The following RNF220 variants were observed in gnomAD, a reference collection of about 807,000 sequenced individuals.
The protein encoded by RNF220 is E3 ubiquitin-protein ligase RNF220.
In RNF220, 7 loss-of-function variants were observed where a neutral mutation model predicts 67.1. That is an observed-to-expected ratio of 0.10 (90% confidence interval 0.06 to 0.20). RNF220 has a LOEUF of 0.20. Ranked by LOEUF, RNF220 falls within the 10% of genes least tolerant of loss-of-function variation. RNF220 has a pLI of 1.00. For missense variants in RNF220, 565 were observed against 740.3 expected, an observed-to-expected ratio of 0.76 and a Z score of 2.75; for synonymous variants, 270 against 283.2, an observed-to-expected ratio of 0.95 and a Z score of 0.47.
At chr1:44,463,316 C>T (rs1358598800) in intron 2 of RNF220, among the ~76,000 whole-genome samples, 1 of 135,710 alleles carries the variant, frequency 7.4e-6, no homozygotes, top group African/African-American at 2.8e-5. Context: ...GCCTGGGCAA[C>T]AAGAGCAAAA....
In RNF220 at chr1:44,565,553, A is replaced by T. The variant is rs1326333660; in HGVS notation, c.626-48612A>T. Among the ~76,000 whole-genome samples, 5 of 152,150 alleles carry T rather than the reference A, an allele frequency of 3.3e-5. No individual in the cohort carries two copies. Among genetic ancestry groups the T allele is most frequent in the Admixed American group, 2.6e-4 (4 of 15,282 alleles). On this transcript the variant is annotated intron_variant, in intron 2 of 14. Transcript: ENST00000361799. This position sits in a 1 kb window ranked among gnomAD's most constrained non-coding sequence, Gnocchi z 4.2. ...CTAATGCCCCCAGCCTAACACAATT[A>T]CCCCTTCCTTCTCCCTCAGCCCAGG... is the stretch of plus-strand genomic sequence containing the variant.
upstream of RNF220, among the ~76,000 whole-genome samples, chr1:44,404,988 G>A (rs537453726): frequency 2.2e-4 from 33 of 152,212 alleles, no homozygotes; most frequent in African/African-American, 7.7e-4. Context: ...TTTGCGGGTG[G>A]GGGAGGAGGG....
rs1648058867 is a variant in RNF220 at position 44,412,432 on chromosome 1, T to C, written c.335T>C (p.Leu112Pro). ...PNLDCTPISMLNHSGVGAFRP... is the reference protein window; with the variant it reads ...PNLDCTPISMPNHSGVGAFRP... ...CTAGATTGCACCCCAATCAGTATGC[T>C]GAATCATAGTGGTGTGGGGGCTTTC... Residue 112 changes from leucine (L) to proline (P), a missense_variant, in exon 2 of 15, where the codon CTG (leucine) becomes CCG (proline). By Grantham distance (98) the Leu-to-Pro change is moderately conservative. Transcript: ENST00000361799. This position sits in a 1 kb window ranked among gnomAD's most constrained non-coding sequence, Gnocchi z 5.3. The C allele has an allele frequency of 6.2e-7, 1 of 1,612,476 alleles. No individual in the cohort carries two copies. The highest frequency in any genetic ancestry group is 8.5e-7 in the Non-Finnish European group (1 of 1,178,800).
chr1:44,465,230 C>A (rs77986596), intron 2 of RNF220, among the ~76,000 whole-genome samples: 1 of 151,996 alleles, frequency 6.6e-6, no homozygotes, highest in South Asian at 2.1e-4. Flanking sequence ...CCTCCCACTG[C>A]GACACCAGTG....
intron 2 of RNF220, among the ~76,000 whole-genome samples, chr1:44,599,719 A>C (rs923802499): frequency 2.0e-5 from 3 of 152,216 alleles, no homozygotes; most frequent in Non-Finnish European, 2.9e-5. Context: ...CATGGTCATG[A>C]GCATTATTGG....
intron 1 of RNF220, among the ~76,000 whole-genome samples, chr1:44,410,868 T>A (rs555095750): frequency 6.6e-6 from 1 of 152,108 alleles, no homozygotes. Context: ...CGGCTTTTGA[T>A]ATATAGCCCT....
At chr1:44,463,581 C>T (rs763992104) in intron 2 of RNF220, among the ~76,000 whole-genome samples, 2 of 151,622 alleles carry the variant, frequency 1.3e-5, no homozygotes, top group Non-Finnish European at 2.9e-5. Flanking sequence ...TGCTAAGCTT[C>T]GGATGCCACA....
chr1:44,524,197 T>A (rs986244521), intron 2 of RNF220, among the ~76,000 whole-genome samples: 1 of 152,108 alleles, frequency 6.6e-6, no homozygotes, highest in African/African-American at 2.4e-5. Context: ...GATGTTGTTA[T>A]TTAGTCTAGA....
chr1:44,563,577 G>A (rs1663759306), intron 2 of RNF220, among the ~76,000 whole-genome samples: 1 of 152,204 alleles, frequency 6.6e-6, no homozygotes, highest in South Asian at 2.1e-4. Flanking sequence ...CCTGTAGTAT[G>A]TATGATGTAG....
chr1:44,483,440 G>C (rs1486083150), intron 2 of RNF220, among the ~76,000 whole-genome samples: 3 of 152,172 alleles, frequency 2.0e-5, no homozygotes, highest in Non-Finnish European at 4.4e-5. Flanking sequence ...GTCAGGAAAG[G>C]GAGAAGTGCC....
chr1:44,435,985 C>G (rs1013539039), intron 2 of RNF220, among the ~76,000 whole-genome samples: 1 of 152,028 alleles, frequency 6.6e-6, no homozygotes, highest in Non-Finnish European at 1.5e-5. Context: ...GGGTTAGAAT[C>G]TTTTCTCTCA....
intron 2 of RNF220, among the ~76,000 whole-genome samples, chr1:44,598,163 A>T (rs1250580096): frequency 7.1e-6 from 1 of 141,486 alleles, no homozygotes; most frequent in Non-Finnish European, 1.6e-5. Context: ...CTGCCTGGTG[A>T]TGGGGAGGGG....
intron 2 of RNF220, among the ~76,000 whole-genome samples, chr1:44,573,905 G>A (rs1664624144): frequency 6.6e-6 from 1 of 152,118 alleles, no homozygotes; most frequent in Non-Finnish European, 1.5e-5. Flanking sequence ...CTTGAGCCCA[G>A]GAGTTCGAGA....
chr1:44,425,946 G>A (rs1649723609), intron 2 of RNF220, among the ~76,000 whole-genome samples: 1 of 152,186 alleles, frequency 6.6e-6, no homozygotes, highest in Admixed American at 6.5e-5. Context: ...ACAGAAGACA[G>A]TCTGTGTTCC....
At chr1:44,592,539 G>T (rs1666193807) in intron 2 of RNF220, among the ~76,000 whole-genome samples, 1 of 152,184 alleles carries the variant, frequency 6.6e-6, no homozygotes, top group Non-Finnish European at 1.5e-5. Context: ...GGGCTCCCAG[G>T]TTGGCAGCCC....
chr1:44,604,085 TGA>T (rs796691801), intron 2 of RNF220, among the ~76,000 whole-genome samples: 4 of 152,140 alleles, frequency 2.6e-5, no homozygotes, highest in Non-Finnish European at 4.4e-5. Context: ...AAGGAAGGCA[TGA>T]GAGAGAGTGA....
chr1:44,473,876 G>C (rs1306569132), intron 2 of RNF220, among the ~76,000 whole-genome samples: 1 of 152,068 alleles, frequency 6.6e-6, no homozygotes, highest in Non-Finnish European at 1.5e-5. Context: ...ATACAGTATG[G>C]CCACTTACTG....
intron 2 of RNF220, among the ~76,000 whole-genome samples, chr1:44,531,211 G>A (rs1412042960): frequency 1.3e-5 from 2 of 152,112 alleles, no homozygotes; most frequent in Non-Finnish European, 2.9e-5. Flanking sequence ...TAAATCCGGG[G>A]TCCTCCAGAA....
intron 2 of RNF220, among the ~76,000 whole-genome samples, chr1:44,529,348 TACACAC>T (rs143407827): frequency 2.7e-5 from 4 of 149,894 alleles, no homozygotes; most frequent in Non-Finnish European, 5.9e-5. Flanking sequence ...AAAAAGGAAT[TACACAC>T]ACACACACAC....
Sources: allele counts gnomAD v4.1 joint callset (sites outside exome capture counted in the v4.1 genomes callset), GRCh38; gene constraint gnomAD v4.1.1; non-coding constraint Gnocchi (gnomAD v3.1); transcripts MANE v1.5; gene names NCBI Gene and HGNC (gene_info 2026-07-23, HGNC 2026-07-21).